The following ERBB4 variants were observed in gnomAD, a reference collection of about 807,000 sequenced individuals.
The protein encoded by ERBB4 is erb-b2 receptor tyrosine kinase 4.
A neutral mutation model predicts 158.0 loss-of-function variants in ERBB4; 42 were observed. That is an observed-to-expected ratio of 0.27 (90% CI 0.21 to 0.34). The LOEUF is 0.34. ERBB4 is among the 10% of genes least tolerant of loss of function. ERBB4 has a pLI of 1.00. For synonymous variants in ERBB4, 583 were observed against 558.7 expected (o/e 1.04, Z -0.61); for missense variants, 1,333 against 1,624.1 (o/e 0.82, Z 3.08).
intron 16 of ERBB4, among the ~76,000 whole-genome samples, chr2:211,641,518 T>C (rs1374703392): frequency 6.6e-6 from 1 of 152,144 alleles, no homozygotes; most frequent in Non-Finnish European, 1.5e-5. Flanking sequence ...TAGATCTCAT[T>C]GCTAATTCTT....
At chr2:212,067,029 G>C (rs1010091297) in intron 2 of ERBB4, among the ~76,000 whole-genome samples, 1 of 151,738 alleles carries the variant, frequency 6.6e-6, no homozygotes, top group African/African-American at 2.4e-5. Flanking sequence ...AAACATTACT[G>C]GTTCTTTCAT....
At chr2:211,547,579 T>G (rs2066976713) in intron 20 of ERBB4, among the ~76,000 whole-genome samples, 2 of 152,026 alleles carry the variant, frequency 1.3e-5, no homozygotes, top group African/African-American at 4.8e-5. Context: ...AGGGGAGCAA[T>G]AAACTAGATA....
At chr2:211,860,383 C>T (rs529807701) in intron 3 of ERBB4, among the ~76,000 whole-genome samples, 1 of 152,238 alleles carries the variant, frequency 6.6e-6, no homozygotes, top group Admixed American at 6.5e-5. Context: ...TTTGTTTTAG[C>T]AAGCACCAAG....
intron 19 of ERBB4, among the ~76,000 whole-genome samples, chr2:211,610,019 T>C (rs527275776): frequency 1.2e-3 from 176 of 152,216 alleles, no homozygotes; most frequent in African/African-American, 4.0e-3. Context: ...CCTTGTAAAG[T>C]AGACGCTTTT....
At chr2:212,079,499 T>C (rs557204461) in intron 2 of ERBB4, among the ~76,000 whole-genome samples, 1 of 152,256 alleles carries the variant, frequency 6.6e-6, no homozygotes, top group South Asian at 2.1e-4. Context: ...ACTAACTCCT[T>C]ATTTTATTTC....
At chr2:211,928,452 G>A (rs188642835) in intron 3 of ERBB4, among the ~76,000 whole-genome samples, 9 of 152,248 alleles carry the variant, frequency 5.9e-5, no homozygotes, top group Admixed American at 3.9e-4. Flanking sequence ...CAGGCTGGGG[G>A]CTACCCCTGG....
intron 19 of ERBB4, among the ~76,000 whole-genome samples, chr2:211,577,647 C>A (rs1318707896): frequency 6.6e-6 from 1 of 152,108 alleles, no homozygotes; most frequent in East Asian, 1.9e-4. Context: ...GGATTCAAGG[C>A]TGGTTCAACA....
chr2:211,877,317 A>C (rs965786317), intron 3 of ERBB4, among the ~76,000 whole-genome samples: 6 of 152,208 alleles, frequency 3.9e-5, no homozygotes, highest in Admixed American at 2.6e-4. Flanking sequence ...TCAGGAAGCC[A>C]GATCAGCTCT....
At chr2:211,913,066 C>T (rs573382748) in intron 3 of ERBB4, among the ~76,000 whole-genome samples, 4 of 152,048 alleles carry the variant, frequency 2.6e-5, no homozygotes, top group Non-Finnish European at 4.4e-5. Flanking sequence ...TCATAAGGGG[C>T]GTGGTTGTCA....
chr2:211,461,386 CAA>C (rs2064526910), intron 20 of ERBB4, among the ~76,000 whole-genome samples: 1 of 151,976 alleles, frequency 6.6e-6, no homozygotes, highest in Non-Finnish European at 1.5e-5. Context: ...AAATGGACTG[CAA>C]AGTGTTTTTT....
At chr2:212,293,438 A>C (rs939055215) in intron 1 of ERBB4, among the ~76,000 whole-genome samples, 1 of 152,086 alleles carries the variant, frequency 6.6e-6, no homozygotes, top group Non-Finnish European at 1.5e-5. Context: ...CTTCTAAAAA[A>C]CTTCATTAAA....
intron 20 of ERBB4, among the ~76,000 whole-genome samples, chr2:211,447,028 A>G (rs991882617): frequency 6.6e-6 from 1 of 152,160 alleles, no homozygotes; most frequent in Non-Finnish European, 1.5e-5. Context: ...CAACATTCAC[A>G]AGTCATGGTA....
chr2:212,145,727 T>TAAAAAAA (rs5838300), intron 1 of ERBB4, among the ~76,000 whole-genome samples: 2 of 88,838 alleles, frequency 2.3e-5, no homozygotes, highest in Admixed American at 1.3e-4. Context: ...CAGCATGCAG[T>TAAAAAAA]AAAAAAAAAA....
At chr2:211,413,657 G>A (rs1362858784) in intron 25 of ERBB4, among the ~76,000 whole-genome samples, 1 of 151,998 alleles carries the variant, frequency 6.6e-6, no homozygotes, top group Non-Finnish European at 1.5e-5. Flanking sequence ...CTTAACTTGT[G>A]TCCATAGGGT....
intron 3 of ERBB4, among the ~76,000 whole-genome samples, chr2:211,890,620 A>G (rs1444509409): frequency 1.4e-5 from 2 of 141,704 alleles, no homozygotes; most frequent in East Asian, 4.2e-4. Flanking sequence ...CAAATTGGAT[A>G]AAGAGTCAAG....
At position 212,390,079 on chromosome 2, in the gene ERBB4, G is replaced by GA. The variant is rs534511074; in HGVS notation, c.82+148369dup. 5.5e-3 allele frequency among the ~76,000 whole-genome samples: 843 copies of GA among 151,954 alleles called. 3 individuals are homozygous for GA. The highest frequency in any genetic ancestry group is 9.3e-3 in the Non-Finnish European group (629 of 67,788). Reference sequence around the variant, plus strand: ...GGCCAAGTTGAAGAGGCTGGAAAGAGAAATGTGTTACTTTAAATGAGGAAA... The same window carrying GA: ...GGCCAAGTTGAAGAGGCTGGAAAGAGAAAATGTGTTACTTTAAATGAGGAAA... On this transcript the variant is annotated intron_variant, in intron 1 of 27. Coordinates refer to ENST00000342788, the MANE Select transcript of ERBB4 (RefSeq NM_005235.3).
chr2:212,489,911 C>G (rs1690178971), intron 1 of ERBB4, among the ~76,000 whole-genome samples: 1 of 151,756 alleles, frequency 6.6e-6, no homozygotes, highest in Non-Finnish European at 1.5e-5. Flanking sequence ...TCACAGAAAC[C>G]TCCTGGTCTA....
chr2:212,087,654 G>T (rs913145932), intron 2 of ERBB4, among the ~76,000 whole-genome samples: 1 of 151,990 alleles, frequency 6.6e-6, no homozygotes, highest in Non-Finnish European at 1.5e-5. Flanking sequence ...ACAGGAGGCC[G>T]GGAGACAGGT....
At chr2:211,658,312 T>C (rs899280108) in intron 15 of ERBB4, among the ~76,000 whole-genome samples, 5 of 152,188 alleles carry the variant, frequency 3.3e-5, no homozygotes, top group African/African-American at 1.2e-4. Context: ...TCAACAAATA[T>C]GTTGATATTT....
Sources: allele counts gnomAD v4.1 joint callset (sites outside exome capture counted in the v4.1 genomes callset), GRCh38; gene constraint gnomAD v4.1.1; transcripts MANE v1.5; gene names NCBI Gene and HGNC (gene_info 2026-07-23, HGNC 2026-07-21).